ZHX3: variants seen among roughly 807,000 people sequenced by gnomAD.
ZHX3 encodes the protein zinc fingers and homeoboxes protein 3.
ZHX3 carries 20 observed loss-of-function variants against 64.5 expected under a neutral mutation model. The observed-to-expected ratio is 0.31, with a 90% CI of 0.22 to 0.45. The LOEUF (loss-of-function observed/expected upper bound fraction) is 0.45. ZHX3 is among the 20% of genes least tolerant of loss of function. The pLI, the probability that ZHX3 is intolerant of heterozygous loss-of-function variation, is 1.00. For missense variants in ZHX3, 1,041 were observed against 1,195.8 expected (o/e 0.87, Z 1.91); for synonymous variants, 423 against 461.6 (o/e 0.92, Z 1.07).
chr20:41,203,269 G>A lies in ZHX3; in HGVS notation c.1648C>T (p.Arg550Trp). ...KWFSDRRYHC[R>W]NLKGSRAMIP... ...ATCGCTCTGGAGCCCTTCAAGTTCC[G>A]GCAGTGGTATCTACGATCACTGAAC... The change falls in exon 3 of 4, where the codon CGG becomes TGG. Residue 550 changes from arginine (R) to tryptophan (W), a missense_variant. Arg to Trp is a moderately radical substitution (Grantham distance 101). Transcript: ENST00000683867. The surrounding 1 kb of genome is among the most constrained non-coding windows in gnomAD (Gnocchi z 7.1). 3 of 1,614,148 alleles carry A rather than the reference G, an allele frequency of 1.9e-6. No individual in the cohort carries two copies. Among genetic ancestry groups the A allele is most frequent in the East Asian group, 2.2e-5 (1 of 44,878 alleles).
intron 1 of ZHX3, among the ~76,000 whole-genome samples, chr20:41,308,612 A>G (rs1405351025): frequency 6.6e-6 from 1 of 152,214 alleles, no homozygotes; most frequent in East Asian, 1.9e-4. Flanking sequence ...CCTCTTTAAT[A>G]GCAACAGGGG....
In ZHX3 at chr20:41,202,352, C is replaced by T; in HGVS notation, c.2565G>A (p.Met855Ile). ...GNRELLQDYY[M>I]THKMLYEEDL... ...CCTCTTCATACAGCATCTTGTGTGTCATGTAATAGTCCTGCAGGAGCTCCC... is the reference window on the plus strand; with the variant it reads ...CCTCTTCATACAGCATCTTGTGTGTTATGTAATAGTCCTGCAGGAGCTCCC... Residue 855 changes from methionine to isoleucine, a missense_variant, in exon 3 of 4, where the codon ATG becomes ATA. Physicochemically the swap from Met to Ile is conservative, Grantham distance 10. Transcript: ENST00000683867. This position sits in a 1 kb window ranked among gnomAD's most constrained non-coding sequence, Gnocchi z 7.0. 6.2e-7 allele frequency: 1 copy of T among 1,614,194 alleles called. No individual in the cohort carries two copies. The highest frequency in any genetic ancestry group is 1.1e-5 in the South Asian group (1 of 91,072).
At position 41,265,797 on chromosome 20, in the gene ZHX3, G is replaced by A. The variant is rs139993641; in HGVS notation, c.-151+3193C>T. Among the ~76,000 whole-genome samples the A allele has an allele frequency of 8.9e-4, 136 of 152,204 alleles. 2 individuals are homozygous for A. The highest frequency in any genetic ancestry group is 6.8e-3 in the Middle Eastern group (2 of 292). Reference sequence around the variant, plus strand: ...AAGTAAAAAAGTATTACTATTAACCGTTCATAATATTCACAAATGGGTAGA... The same window carrying A: ...AAGTAAAAAAGTATTACTATTAACCATTCATAATATTCACAAATGGGTAGA... On this transcript the variant is annotated intron_variant, in intron 2 of 3. Coordinates refer to ENST00000683867, the MANE Select transcript of ZHX3 (RefSeq NM_001384317.1).
chr20:41,256,848 GT>G (rs778672945), intron 2 of ZHX3, among the ~76,000 whole-genome samples: 65 of 151,646 alleles, frequency 4.3e-4, no homozygotes, highest in Non-Finnish European at 6.9e-4. Context: ...ATAGATTTAG[GT>G]AGTGGTGAAT....
chr20:41,215,560 G>A (rs965817360), intron 2 of ZHX3, among the ~76,000 whole-genome samples: 3 of 151,972 alleles, frequency 2.0e-5, no homozygotes, highest in Non-Finnish European at 4.4e-5. Flanking sequence ...TACTTAGAAA[G>A]TAACTCTTGA....
At position 41,201,895 on chromosome 20, in the gene ZHX3, CTTCTGCTGCT is replaced by C. The variant is rs2038250757; in HGVS notation, c.2860+152_2860+161del. Among the ~76,000 whole-genome samples, 3 of 152,222 alleles carry C rather than the reference CTTCTGCTGCT, an allele frequency of 2.0e-5. No individual in the cohort carries two copies. Among genetic ancestry groups the C allele is most frequent in the Non-Finnish European group, 4.4e-5 (3 of 68,032 alleles). ...CGTTTATCATATTATATTCCTATGGCTTCTGCTGCTAGTTGTCCTCTGAAGCAGCCAGGCG... is the reference window on the plus strand; with the variant it reads ...CGTTTATCATATTATATTCCTATGGCAGTTGTCCTCTGAAGCAGCCAGGCG... On this transcript the variant is annotated intron_variant, in intron 3 of 3. Transcript: ENST00000683867. This position sits in a 1 kb window ranked among gnomAD's most constrained non-coding sequence, Gnocchi z 5.0.
intron 3 of ZHX3, chr20:41,188,298 T>C (rs1047671415): frequency 2.0e-5 from 3 of 152,220 alleles, no homozygotes; most frequent in African/African-American, 7.2e-5. Context: ...GATTTGTATT[T>C]CCCTTTTGAT....
chr20:41,191,065 T>G (rs1465205904), intron 3 of ZHX3, among the ~76,000 whole-genome samples: 1 of 152,258 alleles, frequency 6.6e-6, no homozygotes, highest in East Asian at 1.9e-4. Flanking sequence ...TCTAGATGTC[T>G]AAATCTCTTG....
chr20:41,269,803 T>C (rs951132178), intron 1 of ZHX3, among the ~76,000 whole-genome samples: 35 of 152,062 alleles, frequency 2.3e-4, no homozygotes, highest in Admixed American at 7.8e-4. Flanking sequence ...CGTGTAGGCA[T>C]TGTACACTAG....
chr20:41,203,634 G>A lies in ZHX3; in HGVS notation c.1283C>T (p.Thr428Ile), dbSNP rs199700565. The A allele has an allele frequency of 1.2e-5, 19 of 1,614,122 alleles. No homozygotes were observed. The highest frequency in any genetic ancestry group is 1.5e-5 in the Non-Finnish European group (18 of 1,180,048). Reference protein sequence around the residue: ...PEGTGGGLLVTQPLMANGLQA... With the variant: ...PEGTGGGLLVIQPLMANGLQA... ...CAACCCATTGGCCATCAATGGCTGA[G>A]TGACCAGAAGTCCCCCTCCTGTACC... Residue 428 changes from threonine to isoleucine, a missense_variant, in exon 3 of 4, where the codon ACT (threonine) becomes ATT (isoleucine). Thr to Ile is a moderately conservative substitution (Grantham distance 89, BLOSUM62 -1). This residue lies in a region of ZHX3 where 649 missense variants were observed against 739.8 expected (regional missense o/e 0.88). Transcript: ENST00000683867. This position sits in a 1 kb window ranked among gnomAD's most constrained non-coding sequence, Gnocchi z 7.1.
chr20:41,194,222 G>T (rs1271273227), intron 3 of ZHX3, among the ~76,000 whole-genome samples: 1 of 152,118 alleles, frequency 6.6e-6, no homozygotes. Context: ...GATGTTAATT[G>T]TGGGCTTTTC....
intron 1 of ZHX3, among the ~76,000 whole-genome samples, chr20:41,310,752 C>T (rs1261611931): frequency 6.8e-6 from 1 of 147,744 alleles, no homozygotes; most frequent in Non-Finnish European, 1.5e-5. Context: ...CATACGTTGT[C>T]ATACATCAAT....
At chr20:41,197,694 A>G (rs2037854908) in intron 3 of ZHX3, among the ~76,000 whole-genome samples, 1 of 151,864 alleles carries the variant, frequency 6.6e-6, no homozygotes, top group Admixed American at 6.6e-5. Flanking sequence ...TACTTCTGCC[A>G]TTTGGCTATT....
rs2037116772 is a variant in ZHX3, at chr20:41,192,531, C to G, written c.2861-7330G>C. ...CACACCTCACTCAGCTCCAGTGGCA[C>G]TTGTGCCTCAGCCCCTGCTATGGTA... On this transcript the variant is annotated intron_variant, in intron 3 of 3. Transcript: ENST00000683867. 1.3e-5 allele frequency among the ~76,000 whole-genome samples: 2 copies of G among 152,256 alleles called. 1 individual carries two copies. Among genetic ancestry groups the G allele is most frequent in the South Asian group, 4.1e-4 (2 of 4,834 alleles).
chr20:41,235,414 T>G lies in ZHX3; in HGVS notation c.-150-30348A>C, dbSNP rs982961953. ...CGAATCCAGCAGCACATCAAAAAGC[T>G]TATCTACCATGACCAAGTTGGCTTC... is the stretch of plus-strand genomic sequence containing the variant. On this transcript the variant is annotated intron_variant, in intron 2 of 3. Coordinates refer to ENST00000683867, the MANE Select transcript of ZHX3 (RefSeq NM_001384317.1). Among the ~76,000 whole-genome samples the G allele has an allele frequency of 3.3e-5, 5 of 152,258 alleles. No homozygotes were observed. The East Asian group carries it at 9.6e-4, about 29-fold the overall frequency.
intron 1 of ZHX3, among the ~76,000 whole-genome samples, chr20:41,282,193 C>T (rs2043709986): frequency 6.6e-6 from 1 of 152,142 alleles, no homozygotes; most frequent in Admixed American, 6.5e-5. Context: ...GAGCTCGAGA[C>T]TAATTTTTCA....
Position 41,302,053 on chromosome 20 carries a change from CAAAAAAAAAAAAA to C in ZHX3, c.-245+15443_-245+15455del, listed in dbSNP as rs555883542. Among the ~76,000 whole-genome samples, 82 of 62,370 alleles carry C rather than the reference CAAAAAAAAAAAAA, an allele frequency of 1.3e-3. 3 individuals carry two copies. The highest frequency in any genetic ancestry group is 3.2e-3 in the South Asian group (7 of 2,200). The allele number at this position is 62,370 out of a possible 152,430, so 40.9% of individuals were successfully genotyped here. On this transcript the variant is annotated intron_variant, in intron 1 of 3. Transcript: ENST00000683867. ...TGGGCGACGGAGCGAGACTCCATCT[CAAAAAAAAAAAAA>C]AAAAAAAAAAAAAAAAGGAACAGGC... is the stretch of plus-strand genomic sequence containing the variant.
At chr20:41,187,397 T>C (rs1375937260) in intron 3 of ZHX3, among the ~76,000 whole-genome samples, 1 of 151,862 alleles carries the variant, frequency 6.6e-6, no homozygotes, top group East Asian at 1.9e-4. Flanking sequence ...TTCTTCTAAG[T>C]ATTTTATAGC....
intron 2 of ZHX3, among the ~76,000 whole-genome samples, chr20:41,249,804 G>A (rs2041899992): frequency 6.6e-6 from 1 of 152,188 alleles, no homozygotes; most frequent in East Asian, 1.9e-4. Flanking sequence ...GGAGAAGTCT[G>A]AAAGAAAAAG....
Sources: allele counts gnomAD v4.1 joint callset (sites outside exome capture counted in the v4.1 genomes callset), GRCh38; gene constraint gnomAD v4.1.1; regional missense constraint gnomAD v4.1.1; non-coding constraint Gnocchi (gnomAD v3.1); transcripts MANE v1.5; gene names NCBI Gene and HGNC (gene_info 2026-07-23, HGNC 2026-07-21).